TMPRSS5: variants seen among roughly 807,000 people sequenced by gnomAD.
TMPRSS5 encodes transmembrane serine protease 5.
A neutral mutation model predicts 59.7 loss-of-function variants in TMPRSS5; 45 were observed. The observed-to-expected ratio is 0.75, with a 90% CI of 0.59 to 0.97. The LOEUF is 0.97. Ranked by LOEUF, TMPRSS5 falls within the 50% of genes least tolerant of loss-of-function variation. The pLI is 0.00. For synonymous variants in TMPRSS5, 225 were observed against 232.0 expected (o/e 0.97, Z 0.27); for missense variants, 585 against 596.7 (o/e 0.98, Z 0.20).
In TMPRSS5 at chr11:113,690,838, C is replaced by T; in HGVS notation, c.1063+3G>A. 6.3e-7 allele frequency: 1 copy of T among 1,581,968 alleles called. No individual in the cohort carries two copies. Among genetic ancestry groups the T allele is most frequent in the Admixed American group, 1.8e-5 (1 of 54,428 alleles). On this transcript the variant is annotated splice_donor_region_variant and intron_variant, in intron 10 of 12. Coordinates refer to ENST00000299882, the MANE Select transcript of TMPRSS5 (RefSeq NM_030770.4). ...GCACCGAGGGCCCAGGGAGCTGACTCACTATGGCTAGGGTGGGTGTGGCCC... is the reference window on the plus strand; with the variant it reads ...GCACCGAGGGCCCAGGGAGCTGACTTACTATGGCTAGGGTGGGTGTGGCCC...
chr11:113,698,726 G>T, intron 4 of TMPRSS5, 179 bp downstream of exon 4: 1 of 720,902 alleles, frequency 1.4e-6, no homozygotes, highest in Non-Finnish European at 2.3e-6. Flanking sequence ...AGGCAGTGCT[G>T]AAAGCCCCAA....
At chr11:113,705,640 A>G (rs573822348) in intron 1 of TMPRSS5, among the ~76,000 whole-genome samples, 100 of 152,324 alleles carry the variant, frequency 6.6e-4, no homozygotes, top group African/African-American at 2.4e-3. Context: ...CCAGTCAAGC[A>G]CCCATAAGAT....
intron 11 of TMPRSS5, 62 bp downstream of exon 11, chr11:113,690,169 G>GA: frequency 2.2e-6 from 2 of 904,014 alleles, no homozygotes; most frequent in South Asian, 3.3e-5. Context: ...GTCACAGCAG[G>GA]CCCCCTGCCC....
chr11:113,690,182 C>T, intron 11 of TMPRSS5, 49 bp downstream of exon 11: 2 of 921,232 alleles, frequency 2.2e-6, no homozygotes, highest in Non-Finnish European at 3.3e-6. Flanking sequence ...CCCTGCCCTC[C>T]CACCCCCACC....
chr11:113,690,807 G>T, intron 10 of TMPRSS5, 34 bp downstream of exon 10: 1 of 1,531,006 alleles, frequency 6.5e-7, no homozygotes. Context: ...TCCCACACCC[G>T]CCCCTGCACC....
At chr11:113,695,829 G>A (rs1052993950) in intron 6 of TMPRSS5, among the ~76,000 whole-genome samples, 2 of 152,128 alleles carry the variant, frequency 1.3e-5, no homozygotes, top group Non-Finnish European at 2.9e-5. Context: ...GGTGACTAGG[G>A]TTCTTCACCC....
chr11:113,701,286 C>A (rs185583243), intron 1 of TMPRSS5, among the ~76,000 whole-genome samples: 2 of 152,228 alleles, frequency 1.3e-5, no homozygotes, highest in Admixed American at 6.5e-5. Context: ...AAGTTTAGAA[C>A]TTCCTAGAGA....
In TMPRSS5 at chr11:113,688,221, G is replaced by C; in HGVS notation, c.*39C>G. 6.4e-7 allele frequency: 1 copy of C among 1,569,564 alleles called. No individual in the cohort carries two copies. The highest frequency in any genetic ancestry group is 1.2e-5 in the South Asian group (1 of 84,130). On this transcript the variant is annotated 3_prime_UTR_variant, in exon 13 of 13. Coordinates refer to ENST00000299882, the MANE Select transcript of TMPRSS5 (RefSeq NM_030770.4). The stretch of plus-strand genomic sequence containing the variant: ...CTGCTGGAGGCCCCAGGAAGCATGA[G>C]GCAGTGGTGTGCAGTGAGACTGGAG...
At chr11:113,700,565 C>T (rs1030816417) in intron 1 of TMPRSS5, among the ~76,000 whole-genome samples, 2 of 152,156 alleles carry the variant, frequency 1.3e-5, no homozygotes, top group African/African-American at 4.8e-5. Context: ...AGAAGTGCCC[C>T]TCCACCATGC....
intron 9 of TMPRSS5, 164 bp from the exon 10 acceptor site, chr11:113,691,103 G>A (rs1952767926): frequency 1.1e-5 from 7 of 627,822 alleles, no homozygotes; most frequent in Non-Finnish European, 2.0e-5. Context: ...TATGCAAGTG[G>A]GGCACTGTCC....
intron 4 of TMPRSS5, 25 bp from the exon 5 acceptor site, chr11:113,697,443 A>G: frequency 1.2e-6 from 2 of 1,610,074 alleles, no homozygotes; most frequent in South Asian, 2.2e-5. Context: ...TGAAAACCAC[A>G]TGGGAGAGGA....
In TMPRSS5 at chr11:113,694,516, C is replaced by T. The variant is rs61995944; in HGVS notation, c.747G>A (p.Ala249=). Residue 249 remains alanine, a synonymous_variant, in exon 8 of 13, where the codon GCG becomes GCA. Coordinates refer to ENST00000299882, the MANE Select transcript of TMPRSS5 (RefSeq NM_030770.4). Reference sequence around the variant, plus strand: ...GTGCAGCAGTCACCACCCAGCGTGGCGCTAGCACAGAGCCCCCACACGTGT... The same window carrying T: ...GTGCAGCAGTCACCACCCAGCGTGGTGCTAGCACAGAGCCCCCACACGTGT... ...FRHTCGGSVL[A]PRWVVTAAHC... is the part of the protein sequence containing the mutation. 0.01 allele frequency: 16,239 copies of T among 1,566,394 alleles called. 131 individuals are homozygous for T. The highest frequency in any genetic ancestry group is 0.011 in the Non-Finnish European group (13,086 of 1,155,182).
intron 6 of TMPRSS5, among the ~76,000 whole-genome samples, chr11:113,695,740 A>G (rs1209415337): frequency 1.3e-5 from 2 of 152,176 alleles, no homozygotes; most frequent in African/African-American, 2.4e-5. Context: ...TTTACAGATG[A>G]GAAAGCCACA....
At chr11:113,705,694 T>C (rs561748254) in intron 1 of TMPRSS5, among the ~76,000 whole-genome samples, 1 of 152,312 alleles carries the variant, frequency 6.6e-6, no homozygotes, top group African/African-American at 2.4e-5. Context: ...ATTTCTTCTC[T>C]GGGGTTGTGT....
chr11:113,697,389 A>G lies in TMPRSS5; in HGVS notation c.358T>C (p.Leu120=), dbSNP rs1565261784. The change falls in exon 5 of 13, where the codon TTG becomes CTG. Residue 120 remains leucine (L), a synonymous_variant. Transcript: ENST00000299882. The stretch of plus-strand genomic sequence containing the variant: ...TGATCCCTCACTTGCGCTTCCAGCA[A>G]GAAGTCTTCGCTGTTTATTCTGAAA... ...VSFRINSEDF[L]LEAQVRDQPR... 1 of 1,613,848 alleles carries G rather than the reference A, an allele frequency of 6.2e-7. No homozygotes were observed. The highest frequency in any genetic ancestry group is 8.5e-7 in the Non-Finnish European group (1 of 1,179,726).
Position 113,697,340 on chromosome 11 carries a change from T to C in TMPRSS5, c.407A>G (p.His136Arg). The change falls in exon 5 of 13, where the codon CAT becomes CGT. Residue 136 changes from histidine to arginine, a missense_variant. Transcript: ENST00000299882. ...RDQPRWLLVC[H>R]EGWSPALGLQ... The stretch of plus-strand genomic sequence containing the variant: ...CCCCAGGGCGGGGCTCCAGCCCTCA[T>C]GGCAGACCAGGAGCCAGCGTGGCTG... 1.2e-6 allele frequency: 2 copies of C among 1,613,836 alleles called. No individual in the cohort carries two copies. The highest frequency in any genetic ancestry group is 1.7e-6 in the Non-Finnish European group (2 of 1,179,716).
intron 8 of TMPRSS5, chr11:113,694,262 A>T: frequency 2.4e-6 from 1 of 415,398 alleles, no homozygotes; most frequent in Non-Finnish European, 4.2e-6. Flanking sequence ...AAAAAAAAAA[A>T]CTGATGAATA....
At chr11:113,689,998 TG>T in intron 11 of TMPRSS5, 81 bp from the exon 12 acceptor site, 1 of 1,402,936 alleles carries the variant, frequency 7.1e-7, no homozygotes, top group Non-Finnish European at 9.5e-7. Flanking sequence ...CTATGGCAAG[TG>T]GAATCTCCTT....
At chr11:113,690,124 A>T in intron 11 of TMPRSS5, 107 bp downstream of exon 11, 1 of 1,431,110 alleles carries the variant, frequency 7.0e-7, no homozygotes, top group Non-Finnish European at 9.4e-7. Flanking sequence ...GCTGTCTCAC[A>T]CCACTGACAA....
Sources: gnomAD v4.1 joint callset for allele counts (sites outside exome capture counted in the v4.1 genomes callset) on GRCh38, gnomAD v4.1.1 for gene constraint, MANE v1.5 for transcripts, NCBI Gene and HGNC (gene_info 2026-07-23, HGNC 2026-07-21) for gene names.